GPHN: variants seen among roughly 807,000 people sequenced by gnomAD.
GPHN encodes the protein gephyrin.
In GPHN, 17 loss-of-function variants were observed where a neutral mutation model predicts 95.5. That is an observed-to-expected ratio of 0.18 (90% CI 0.12 to 0.27). The LOEUF is 0.27. Ranked by LOEUF, GPHN falls within the 10% of genes least tolerant of loss-of-function variation. GPHN has a pLI of 1.00. For synonymous variants in GPHN, 320 were observed against 322.5 expected (o/e 0.99, Z 0.08); for missense variants, 660 against 978.1 (o/e 0.67, Z 4.34).
intron 9 of GPHN, among the ~76,000 whole-genome samples, chr14:66,990,154 T>G (rs1206561769): frequency 6.6e-6 from 1 of 152,008 alleles, no homozygotes; most frequent in Admixed American, 6.6e-5. Flanking sequence ...CAGGGAAAAC[T>G]GCCACTTTTA....
intron 17 of GPHN, among the ~76,000 whole-genome samples, chr14:67,126,009 T>G (rs1297530305): frequency 6.6e-6 from 1 of 152,162 alleles, no homozygotes. Context: ...CTAAATGGCC[T>G]TTGCTTACTA....
the GPHN span, among the ~76,000 whole-genome samples, chr14:67,313,821 A>G: frequency 6.6e-6 from 1 of 151,912 alleles, no homozygotes; most frequent in Non-Finnish European, 1.5e-5. Context: ...TTTTCATGAT[A>G]TTGTCTCTGT....
intron 1 of GPHN, among the ~76,000 whole-genome samples, chr14:66,588,458 T>C (rs2061509305): frequency 6.6e-6 from 1 of 152,108 alleles, no homozygotes; most frequent in South Asian, 2.1e-4. Context: ...AAAAGAGCTG[T>C]TCTAACCCAA....
the GPHN span, among the ~76,000 whole-genome samples, chr14:67,428,841 G>A: frequency 6.6e-6 from 1 of 152,198 alleles, no homozygotes; most frequent in East Asian, 1.9e-4. Flanking sequence ...GCTGTAGGGG[G>A]CCTGCTGGAG....
chr14:67,050,330 A>G (rs1227713153), intron 10 of GPHN, among the ~76,000 whole-genome samples: 3 of 152,248 alleles, frequency 2.0e-5, no homozygotes, highest in African/African-American at 7.2e-5. Context: ...AGCAGAAAGC[A>G]CTGCTTTACT....
chr14:67,677,191 A>G, the GPHN span: 3 of 152,218 alleles, frequency 2.0e-5, no homozygotes, highest in South Asian at 2.1e-4. Context: ...ATTACTTTTG[A>G]TAAGAAGTCT....
At chr14:67,425,025 T>A in the GPHN span, among the ~76,000 whole-genome samples, 54 of 152,330 alleles carry the variant, frequency 3.5e-4, no homozygotes, top group Admixed American at 9.8e-4. Flanking sequence ...CTGCTTTATC[T>A]TTCCGGGAGA....
the GPHN span, among the ~76,000 whole-genome samples, chr14:67,243,398 G>C: frequency 6.6e-6 from 1 of 151,794 alleles, no homozygotes; most frequent in African/African-American, 2.4e-5. Context: ...ATGTTGGCCA[G>C]GCTGGCCTCG....
At chr14:66,566,137 C>T (rs982790848) in intron 1 of GPHN, among the ~76,000 whole-genome samples, 1 of 152,024 alleles carries the variant, frequency 6.6e-6, no homozygotes, top group African/African-American at 2.4e-5. Context: ...CTACTTCCAT[C>T]TCCCTACTAT....
intron 1 of GPHN, among the ~76,000 whole-genome samples, chr14:66,539,039 A>T (rs569673685): frequency 1.3e-5 from 2 of 152,118 alleles, no homozygotes; most frequent in South Asian, 2.1e-4. Context: ...CTCCATTGAC[A>T]TACTCAGATT....
At chr14:66,540,332 G>C (rs2059312233) in intron 1 of GPHN, among the ~76,000 whole-genome samples, 1 of 152,166 alleles carries the variant, frequency 6.6e-6, no homozygotes, top group Admixed American at 6.5e-5. Context: ...CAGTGGCCAA[G>C]GCCAAAGTCA....
chr14:67,520,715 C>T, the GPHN span, among the ~76,000 whole-genome samples: 2 of 151,988 alleles, frequency 1.3e-5, no homozygotes, highest in South Asian at 4.1e-4. Context: ...TACCCATCAC[C>T]TACTGAAGGA....
intron 2 of GPHN, among the ~76,000 whole-genome samples, chr14:66,705,552 C>A (rs1489762062): frequency 6.6e-6 from 1 of 152,098 alleles, no homozygotes; most frequent in Non-Finnish European, 1.5e-5. Flanking sequence ...TAAACAGAAC[C>A]AAAGACAAAA....
At chr14:67,672,080 A>G in the GPHN span, among the ~76,000 whole-genome samples, 5 of 152,024 alleles carry the variant, frequency 3.3e-5, no homozygotes, top group African/African-American at 1.2e-4. Context: ...AGAAATGGGC[A>G]TTGCAAAAAT....
At chr14:67,422,528 TA>T in the GPHN span, among the ~76,000 whole-genome samples, 1 of 152,228 alleles carries the variant, frequency 6.6e-6, no homozygotes, top group Non-Finnish European at 1.5e-5. Context: ...GTTAAATGAA[TA>T]AAGGTAGAGG....
At chr14:66,903,752 G>A (rs1248147162) in intron 5 of GPHN, among the ~76,000 whole-genome samples, 1 of 151,960 alleles carries the variant, frequency 6.6e-6, no homozygotes, top group East Asian at 1.9e-4. Flanking sequence ...TGGTTTCAGT[G>A]ATTTTCTCTG....
chr14:67,056,971 TCA>T (rs1344517970), intron 10 of GPHN, among the ~76,000 whole-genome samples: 2 of 152,040 alleles, frequency 1.3e-5, no homozygotes, highest in African/African-American at 4.8e-5. Context: ...GCTAAGCCCC[TCA>T]CTGCAGGGCC....
At chr14:67,653,908 G>A in the GPHN span, among the ~76,000 whole-genome samples, 1 of 152,200 alleles carries the variant, frequency 6.6e-6, no homozygotes, top group Non-Finnish European at 1.5e-5. Flanking sequence ...GTCTGTTACT[G>A]CTTTTGGGAT....
intron 8 of GPHN, among the ~76,000 whole-genome samples, chr14:66,949,434 C>G (rs1379502934): frequency 6.6e-6 from 1 of 152,144 alleles, no homozygotes; most frequent in African/African-American, 2.4e-5. Flanking sequence ...GGTGCTGTAT[C>G]ACACACCTGG....
Sources: gnomAD v4.1 joint callset for allele counts (sites outside exome capture counted in the v4.1 genomes callset) on GRCh38, gnomAD v4.1.1 for gene constraint, MANE v1.5 for transcripts, NCBI Gene and HGNC (gene_info 2026-07-23, HGNC 2026-07-21) for gene names.